LYRM4: variants seen among roughly 807,000 people sequenced by gnomAD.
The protein encoded by LYRM4 is LYR motif-containing protein 4.
A neutral mutation model predicts 11.7 loss-of-function variants in LYRM4; 9 were observed. That is an observed-to-expected ratio of 0.77 (90% CI 0.46 to 1.34). LYRM4 has a LOEUF of 1.34. LYRM4 is among the 40% of genes most tolerant of loss of function. The pLI, the probability that LYRM4 is intolerant of heterozygous loss-of-function variation, is 0.00. For synonymous variants in LYRM4, 42 were observed against 40.4 expected (o/e 1.04, Z -0.15); for missense variants, 133 against 112.5 (o/e 1.18, Z -0.82).
intron 2 of LYRM4, among the ~76,000 whole-genome samples, chr6:5,191,091 T>G (rs1376313582): frequency 6.6e-6 from 1 of 151,988 alleles, no homozygotes; most frequent in African/African-American, 2.4e-5. Flanking sequence ...ATGGCAACAC[T>G]GTAATAGAAA....
At chr6:5,037,615 C>T in the LYRM4 span, among the ~76,000 whole-genome samples, 49 of 71,840 alleles carry the variant, frequency 6.8e-4, no homozygotes, top group South Asian at 1.7e-3. Flanking sequence ...ACCTCCCGGA[C>T]GGGGCGGCTG....
intron 2 of LYRM4, among the ~76,000 whole-genome samples, chr6:5,195,934 T>C (rs1761027170): frequency 6.6e-6 from 1 of 152,192 alleles, no homozygotes. Context: ...TCACACCAAC[T>C]GAAAGTCTGG....
chr6:5,069,450 A>G, the LYRM4 span, among the ~76,000 whole-genome samples: 1 of 149,802 alleles, frequency 6.7e-6, no homozygotes, highest in African/African-American at 2.4e-5. Context: ...ATCATCAGCT[A>G]CACTATATAT....
chr6:5,242,074 CTT>C (rs879606834), intron 1 of LYRM4, among the ~76,000 whole-genome samples: 23 of 141,602 alleles, frequency 1.6e-4, no homozygotes, highest in Admixed American at 2.1e-4. Flanking sequence ...CTTGCTTACA[CTT>C]TTTTTTTTTT....
At chr6:5,212,242 A>G (rs937199660) in intron 2 of LYRM4, among the ~76,000 whole-genome samples, 1 of 152,266 alleles carries the variant, frequency 6.6e-6, no homozygotes, top group African/African-American at 2.4e-5. Flanking sequence ...AAGCCAGGGC[A>G]GTTTACTGAT....
intron 1 of LYRM4, among the ~76,000 whole-genome samples, chr6:5,234,765 A>G (rs1368382513): frequency 6.6e-6 from 1 of 152,246 alleles, no homozygotes; most frequent in Non-Finnish European, 1.5e-5. Context: ...TGACTTTAAA[A>G]GGAAGTATGT....
chr6:5,157,402 T>C (rs573672583), intron 2 of LYRM4, among the ~76,000 whole-genome samples: 1 of 152,046 alleles, frequency 6.6e-6, no homozygotes, highest in East Asian at 1.9e-4. Context: ...TGAAGTAAGA[T>C]CCACAGCAAT....
intron 1 of LYRM4, among the ~76,000 whole-genome samples, chr6:5,256,608 T>C (rs987705040): frequency 2.7e-5 from 4 of 145,802 alleles, no homozygotes; most frequent in African/African-American, 7.5e-5. Flanking sequence ...TCTCATTTTA[T>C]AAAGAAACTG....
chr6:5,041,024 A>T, the LYRM4 span, among the ~76,000 whole-genome samples: 16 of 152,264 alleles, frequency 1.1e-4, no homozygotes, highest in Admixed American at 9.8e-4. Context: ...TTAGCTGGGC[A>T]TGGTGGTGGC....
intron 2 of LYRM4, among the ~76,000 whole-genome samples, chr6:5,119,549 G>A (rs1227156809): frequency 6.6e-6 from 1 of 152,068 alleles, no homozygotes; most frequent in Non-Finnish European, 1.5e-5. Flanking sequence ...CACTTTGGGA[G>A]GCTGAGGCGG....
At chr6:5,228,281 T>G (rs1763014578) in intron 1 of LYRM4, among the ~76,000 whole-genome samples, 1 of 152,110 alleles carries the variant, frequency 6.6e-6, no homozygotes, top group South Asian at 2.1e-4. Context: ...TAAGAAAGTC[T>G]TTCTTTTTTT....
At chr6:5,243,305 G>A (rs548388486) in intron 1 of LYRM4, among the ~76,000 whole-genome samples, 3 of 152,308 alleles carry the variant, frequency 2.0e-5, no homozygotes, top group South Asian at 2.1e-4. Flanking sequence ...CTAACCTGCT[G>A]GCCATGTAGC....
At chr6:5,067,952 A>C in the LYRM4 span, among the ~76,000 whole-genome samples, 1 of 152,252 alleles carries the variant, frequency 6.6e-6, no homozygotes, top group East Asian at 1.9e-4. Flanking sequence ...AGATTGCAGG[A>C]ATAAATTAAC....
intron 2 of LYRM4, among the ~76,000 whole-genome samples, chr6:5,174,283 T>G (rs1199085760): frequency 6.6e-6 from 1 of 152,296 alleles, no homozygotes; most frequent in Non-Finnish European, 1.5e-5. Flanking sequence ...TTCATTAAAA[T>G]TTCACCTGCA....
At chr6:5,086,777 C>T in the LYRM4 span, 3 of 578,620 alleles carry the variant, frequency 5.2e-6, no homozygotes, top group African/African-American at 5.7e-5. Context: ...CCGAAAGCCT[C>T]TGACCTCAGT....
In LYRM4 at chr6:5,184,773, TA is replaced by T. The variant is rs1561855585; in HGVS notation, c.207+31844del. 2.0e-5 allele frequency among the ~76,000 whole-genome samples: 3 copies of T among 152,278 alleles called. No individual in the cohort carries two copies. In the East Asian group the frequency reaches 5.8e-4, roughly 29 times the overall value. ...TCAGGTACTGTTCTAGGTTCTGTGC[TA>T]AAAAAGACAGTCCCTGATCTCCAGG... On this transcript the variant is annotated intron_variant, in intron 2 of 2. Coordinates refer to ENST00000330636, the MANE Select transcript of LYRM4 (RefSeq NM_020408.6).
chr6:5,163,646 A>G (rs1413113461), intron 2 of LYRM4, among the ~76,000 whole-genome samples: 1 of 143,334 alleles, frequency 7.0e-6, no homozygotes. Flanking sequence ...TTTGAGATAG[A>G]GTCTCACTAT....
rs559942529 is a variant in LYRM4, at chr6:5,260,501, T to C, written c.86+147A>G. 30 of 1,121,942 alleles carry C rather than the reference T, an allele frequency of 2.7e-5. No individual in the cohort carries two copies. The African/African-American group carries it at 4.7e-4, about 18-fold the overall frequency. 69.5% of individuals were successfully genotyped at this position (1,121,942 alleles called of 1,614,324 possible). ...GCCACACCTGTAGGCAGGAGCACGCTTTTCGATGGCGGAGCCCGGTCCTTG... is the reference window on the plus strand; with the variant it reads ...GCCACACCTGTAGGCAGGAGCACGCCTTTCGATGGCGGAGCCCGGTCCTTG... On this transcript the variant is annotated intron_variant, in intron 1 of 2. Transcript: ENST00000330636.
chr6:5,086,167 G>A, the LYRM4 span: 64 of 1,529,452 alleles, frequency 4.2e-5, no homozygotes, highest in Admixed American at 1.3e-3. Flanking sequence ...GTGCTCGACG[G>A]CCTCGGGCGC....
Sources: gnomAD v4.1 joint callset for allele counts (sites outside exome capture counted in the v4.1 genomes callset) on GRCh38, gnomAD v4.1.1 for gene constraint, MANE v1.5 for transcripts, NCBI Gene and HGNC (gene_info 2026-07-23, HGNC 2026-07-21) for gene names.